IQGAP1: variants seen among roughly 807,000 people sequenced by gnomAD.
IQGAP1 encodes the protein IQ motif containing GTPase activating protein 1.
IQGAP1 carries 66 observed loss-of-function variants against 215.6 expected under a neutral mutation model. The observed-to-expected ratio is 0.31, with a 90% CI of 0.25 to 0.38. The LOEUF (loss-of-function observed/expected upper bound fraction) is 0.38. IQGAP1 is among the 10% of genes least tolerant of loss of function. The probability of loss-of-function intolerance (pLI) is 1.00; values close to 1 mark genes in which losing one functional copy is unlikely to be tolerated. For missense variants in IQGAP1, 1,712 were observed against 1,997.1 expected (o/e 0.86, Z 2.72); for synonymous variants, 772 against 728.7 (o/e 1.06, Z -0.96).
chr15:90,471,562 C>T (rs1460399110), intron 18 of IQGAP1, among the ~76,000 whole-genome samples: 6 of 151,288 alleles, frequency 4.0e-5, no homozygotes, highest in Admixed American at 2.6e-4. Context: ...TGCAATGGCG[C>T]GATCTTGGCT....
intron 15 of IQGAP1, among the ~76,000 whole-genome samples, chr15:90,464,047 A>C (rs760956020): frequency 6.6e-6 from 1 of 152,242 alleles, no homozygotes; most frequent in Non-Finnish European, 1.5e-5. Flanking sequence ...TCATTTAGGC[A>C]CATAGTTATG....
chr15:90,447,439 G>A (rs937562807), intron 9 of IQGAP1, among the ~76,000 whole-genome samples: 5 of 152,070 alleles, frequency 3.3e-5, no homozygotes, highest in East Asian at 1.9e-4. Context: ...CTTTATAACA[G>A]CTTATTAATT....
chr15:90,433,910 C>T, intron 5 of IQGAP1, 115 bp downstream of exon 5: 1 of 562,648 alleles, frequency 1.8e-6, no homozygotes, highest in South Asian at 2.8e-5. Flanking sequence ...TTCAAAAGTT[C>T]CAAATAGGAT....
chr15:90,457,280 A>G (rs908460329), intron 15 of IQGAP1, among the ~76,000 whole-genome samples: 2 of 152,080 alleles, frequency 1.3e-5, no homozygotes, highest in Non-Finnish European at 2.9e-5. Context: ...GTTGCCCTAA[A>G]TAATGTTAAT....
At chr15:90,390,500 T>A (rs537717324) in intron 1 of IQGAP1, among the ~76,000 whole-genome samples, 1 of 152,266 alleles carries the variant, frequency 6.6e-6, no homozygotes, top group Non-Finnish European at 1.5e-5. Flanking sequence ...GGGACAGATT[T>A]GTGCCAAAAT....
intron 2 of IQGAP1, among the ~76,000 whole-genome samples, chr15:90,400,515 G>C (rs1331230477): frequency 6.6e-6 from 1 of 152,194 alleles, no homozygotes; most frequent in Non-Finnish European, 1.5e-5. Flanking sequence ...AGCCAAGATA[G>C]TTGGGTTACA....
At chr15:90,486,900 C>G in intron 31 of IQGAP1, 54 bp from the exon 32 acceptor site, 2 of 1,545,682 alleles carry the variant, frequency 1.3e-6, no homozygotes. Flanking sequence ...TTATTTCCCC[C>G]CAATATCTCC....
At chr15:90,469,823 A>G (rs1341206364) in intron 18 of IQGAP1, among the ~76,000 whole-genome samples, 1 of 151,758 alleles carries the variant, frequency 6.6e-6, no homozygotes, top group African/African-American at 2.4e-5. Flanking sequence ...GTAGGAGAGA[A>G]AATAGAAAAG....
intron 2 of IQGAP1, among the ~76,000 whole-genome samples, chr15:90,408,236 G>A (rs1217712971): frequency 6.6e-6 from 1 of 152,192 alleles, no homozygotes; most frequent in Non-Finnish European, 1.5e-5. Context: ...TGAGTACAGA[G>A]TTGTGTGGTA....
chr15:90,415,037 G>A (rs531019258), intron 2 of IQGAP1, among the ~76,000 whole-genome samples: 1 of 152,276 alleles, frequency 6.6e-6, no homozygotes, highest in Non-Finnish European at 1.5e-5. Context: ...ATATGGTGCC[G>A]GATTTTCTCC....
At chr15:90,483,743 C>G (rs748580700) in intron 29 of IQGAP1, 150 bp downstream of exon 29, 2 of 617,478 alleles carry the variant, frequency 3.2e-6, no homozygotes, top group Non-Finnish European at 5.7e-6. Flanking sequence ...AGAAGATGAT[C>G]CATTTACTTT....
chr15:90,392,640 A>G (rs775628226), intron 2 of IQGAP1, among the ~76,000 whole-genome samples: 3 of 152,152 alleles, frequency 2.0e-5, no homozygotes, highest in Non-Finnish European at 4.4e-5. Context: ...AACACTACCA[A>G]TAACTAGTTC....
At chr15:90,453,073 C>T (rs1212075046) in intron 12 of IQGAP1, 59 bp from the exon 13 acceptor site, 1 of 1,562,082 alleles carries the variant, frequency 6.4e-7, no homozygotes, top group Non-Finnish European at 8.7e-7. Flanking sequence ...ACTTATAACT[C>T]CCTGGGTCTT....
chr15:90,455,221 G>C (rs1477507562), intron 14 of IQGAP1, among the ~76,000 whole-genome samples: 3 of 152,122 alleles, frequency 2.0e-5, no homozygotes, highest in Admixed American at 2.0e-4. Context: ...TTTTATTTGG[G>C]TTCGTTACAT....
In IQGAP1 at chr15:90,500,162, C is replaced by T. The variant is rs879358155; in HGVS notation, c.*54C>T. ...TGAAGGAAAGAAGCACCTCACAGCT[C>T]CTTTCTAGGTCCTTCTTTCCTCATT... On this transcript the variant is annotated 3_prime_UTR_variant, in exon 38 of 38. Coordinates refer to ENST00000268182, the MANE Select transcript of IQGAP1 (RefSeq NM_003870.4). The T allele has an allele frequency of 4.1e-6, 4 of 973,454 alleles. No individual in the cohort carries two copies. Among genetic ancestry groups the T allele is most frequent in the Non-Finnish European group, 6.6e-6 (4 of 605,372 alleles). 60.3% of individuals were successfully genotyped at this position (973,454 alleles called of 1,614,324 possible).
chr15:90,472,804 T>C (rs888178612), intron 18 of IQGAP1, 36 bp from the exon 19 acceptor site: 2 of 1,573,102 alleles, frequency 1.3e-6, no homozygotes, highest in Non-Finnish European at 1.7e-6. Context: ...CATTCTTGCC[T>C]GTGAATGTCT....
chr15:90,459,935 CAA>C (rs1490331078), intron 15 of IQGAP1, among the ~76,000 whole-genome samples: 1 of 152,064 alleles, frequency 6.6e-6, no homozygotes, highest in Non-Finnish European at 1.5e-5. Flanking sequence ...TTTATATTTT[CAA>C]AGAGTTTGTA....
intron 2 of IQGAP1, among the ~76,000 whole-genome samples, chr15:90,416,578 C>CT (rs59801805): frequency 0.013 from 1,849 of 139,284 alleles, 16 homozygotes; most frequent in African/African-American, 0.019. Flanking sequence ...TGTTTCCTGA[C>CT]TTTTTTTTTT....
chr15:90,448,296 G>A (rs189605783), intron 9 of IQGAP1, among the ~76,000 whole-genome samples: 103 of 152,286 alleles, frequency 6.8e-4, no homozygotes, highest in Middle Eastern at 3.4e-3. Flanking sequence ...CCATATTGGT[G>A]CTGAGCTGTC....
Sources: gnomAD v4.1 joint callset for allele counts (sites outside exome capture counted in the v4.1 genomes callset) on GRCh38, gnomAD v4.1.1 for gene constraint, MANE v1.5 for transcripts, NCBI Gene and HGNC (gene_info 2026-07-23, HGNC 2026-07-21) for gene names.